Variants in DENND1B observed in about 807,000 individuals in gnomAD.
DENND1B encodes DENN domain-containing protein 1B.
A neutral mutation model predicts 90.1 loss-of-function variants in DENND1B; 59 were observed. The ratio of observed to expected loss-of-function variants is 0.65; its 90% CI spans 0.53 to 0.81. The LOEUF (loss-of-function observed/expected upper bound fraction) is 0.81. DENND1B is among the 40% of genes least tolerant of loss of function. The pLI, the probability that DENND1B is intolerant of heterozygous loss-of-function variation, is 0.00. For synonymous variants in DENND1B, 337 were observed against 324.6 expected (o/e 1.04, Z -0.41); for missense variants, 862 against 912.6 (o/e 0.94, Z 0.71).
intron 15 of DENND1B, among the ~76,000 whole-genome samples, chr1:197,567,467 G>T (rs959232914): frequency 6.6e-6 from 1 of 151,996 alleles, no homozygotes; most frequent in Non-Finnish European, 1.5e-5. Flanking sequence ...GAAAAGAAGA[G>T]AATATTTCCA....
intron 5 of DENND1B, among the ~76,000 whole-genome samples, chr1:197,661,809 A>T (rs1654432467): frequency 6.6e-6 from 1 of 151,996 alleles, no homozygotes; most frequent in Non-Finnish European, 1.5e-5. Context: ...TTCACTGGTT[A>T]TCTTCCCCTT....
intron 2 of DENND1B, among the ~76,000 whole-genome samples, chr1:197,716,637 T>C (rs1274099803): frequency 1.3e-5 from 2 of 151,866 alleles, no homozygotes. Flanking sequence ...AAATATTAAA[T>C]GAAAGTTTTT....
intron 15 of DENND1B, among the ~76,000 whole-genome samples, chr1:197,554,936 A>C (rs879843611): frequency 6.6e-6 from 1 of 151,968 alleles, no homozygotes; most frequent in Admixed American, 6.6e-5. Context: ...AGAAAAAATT[A>C]AGAAAGAATA....
rs1667847897 is a variant in DENND1B at position 197,508,831 on chromosome 1, C to G, written c.*1629G>C. The G allele has an allele frequency of 6.6e-6, 1 of 151,686 alleles. No individual in the cohort carries two copies. Among genetic ancestry groups the G allele is most frequent in the Non-Finnish European group, 1.5e-5 (1 of 67,798 alleles). The allele number at this position is 151,686 out of a possible 1,614,324, so 9.4% of individuals were successfully genotyped here. On this transcript the variant is annotated 3_prime_UTR_variant, in exon 23 of 23. Transcript: ENST00000620048. ...GATTGTGCCTGGTAATCTAGTCTATCATGAAGTAATTAGTACATGATTCCT... is the reference window on the plus strand; with the variant it reads ...GATTGTGCCTGGTAATCTAGTCTATGATGAAGTAATTAGTACATGATTCCT...
chr1:197,743,578 C>T (rs1663421736), intron 2 of DENND1B, among the ~76,000 whole-genome samples: 1 of 152,142 alleles, frequency 6.6e-6, no homozygotes, highest in South Asian at 2.1e-4. Flanking sequence ...TAAAATAAGG[C>T]AACAATTAAG....
intron 3 of DENND1B, among the ~76,000 whole-genome samples, chr1:197,700,656 A>G (rs1184344922): frequency 6.6e-6 from 1 of 152,222 alleles, no homozygotes; most frequent in Admixed American, 6.5e-5. Flanking sequence ...TGAACAGGCA[A>G]CCTACAGAAT....
intron 2 of DENND1B, chr1:197,746,793 C>A: frequency 6.3e-7 from 1 of 1,586,682 alleles, no homozygotes. Context: ...CTCTTCTTTG[C>A]TTCAAACCCC....
chr1:197,649,077 T>C (rs750425241), intron 7 of DENND1B, among the ~76,000 whole-genome samples: 1 of 152,170 alleles, frequency 6.6e-6, no homozygotes, highest in African/African-American at 2.4e-5. Flanking sequence ...TTTCACAAAG[T>C]TGAAGACTGA....
intron 3 of DENND1B, among the ~76,000 whole-genome samples, chr1:197,676,540 CTT>C (rs1656095634): frequency 6.6e-6 from 1 of 152,056 alleles, no homozygotes; most frequent in Non-Finnish European, 1.5e-5. Flanking sequence ...TTTCTACAGA[CTT>C]TTGCATTTAA....
At position 197,507,062 on chromosome 1, in the gene DENND1B, T is replaced by A. The variant is rs1343267705; in HGVS notation, c.*3398A>T. 1.3e-5 allele frequency: 2 copies of A among 151,204 alleles called. No homozygotes were observed. Among genetic ancestry groups the A allele is most frequent in the African/African-American group, 4.8e-5 (2 of 41,334 alleles). The allele number at this position is 151,204 out of a possible 1,614,324, so 9.4% of individuals were successfully genotyped here. A position where few individuals can be genotyped will look rare whatever the true frequency, so the allele number is the denominator to read the frequency against. On this transcript the variant is annotated 3_prime_UTR_variant, in exon 23 of 23. Transcript: ENST00000620048. ...GATACTATGGTTCATACTTAGAGCA[T>A]GCTTTAAATTAAGCAGCCAGTTTTT... is the stretch of plus-strand genomic sequence containing the variant.
At chr1:197,519,798 AG>A (rs1668645382) in intron 20 of DENND1B, among the ~76,000 whole-genome samples, 1 of 151,918 alleles carries the variant, frequency 6.6e-6, no homozygotes, top group Non-Finnish European at 1.5e-5. Flanking sequence ...GCAAATACTA[AG>A]GAATGAAAGG....
intron 2 of DENND1B, among the ~76,000 whole-genome samples, chr1:197,748,116 G>C (rs534423695): frequency 6.6e-6 from 1 of 151,840 alleles, no homozygotes; most frequent in Non-Finnish European, 1.5e-5. Flanking sequence ...AGATCTAATT[G>C]GTCCATCAAA....
At chr1:197,771,222 A>G (rs1656568144) in intron 2 of DENND1B, among the ~76,000 whole-genome samples, 2 of 152,180 alleles carry the variant, frequency 1.3e-5, no homozygotes, top group South Asian at 2.1e-4. Context: ...TTTACAAGCA[A>G]TATCAGATGA....
chr1:197,593,929 T>C (rs1675458876), intron 14 of DENND1B, among the ~76,000 whole-genome samples: 2 of 152,124 alleles, frequency 1.3e-5, no homozygotes, highest in Admixed American at 1.3e-4. Context: ...CATTTTTATG[T>C]TTTAACTGAT....
At chr1:197,595,470 A>T in intron 13 of DENND1B, 137 bp from the exon 14 acceptor site, 5 of 1,075,390 alleles carry the variant, frequency 4.6e-6, no homozygotes, top group Non-Finnish European at 5.3e-6. Context: ...TTATCTTTTT[A>T]ACTGCAGAGA....
chr1:197,610,483 C>G (rs1441238355), intron 12 of DENND1B, among the ~76,000 whole-genome samples: 1 of 149,668 alleles, frequency 6.7e-6, no homozygotes, highest in Non-Finnish European at 1.5e-5. Context: ...CAACAGGTAA[C>G]CAACAACTTT....
intron 6 of DENND1B, among the ~76,000 whole-genome samples, chr1:197,655,210 CA>C (rs1380420924): frequency 1.3e-5 from 2 of 152,046 alleles, no homozygotes; most frequent in African/African-American, 2.4e-5. Context: ...ATCCAGTGAA[CA>C]AAAAAGTCAC....
At chr1:197,550,676 G>C (rs10922250) in intron 16 of DENND1B, among the ~76,000 whole-genome samples, 1 of 149,852 alleles carries the variant, frequency 6.7e-6, no homozygotes, top group African/African-American at 2.5e-5. Flanking sequence ...GTGAGGGGGG[G>C]GGGGAGGGAT....
chr1:197,693,002 T>C (rs1016927123), intron 3 of DENND1B, among the ~76,000 whole-genome samples: 6 of 151,718 alleles, frequency 4.0e-5, no homozygotes, highest in African/African-American at 1.4e-4. Flanking sequence ...CAAAATATGA[T>C]CCTCTTACCA....
Sources: allele counts gnomAD v4.1 joint callset (sites outside exome capture counted in the v4.1 genomes callset), GRCh38; gene constraint gnomAD v4.1.1; transcripts MANE v1.5; gene names NCBI Gene and HGNC (gene_info 2026-07-23, HGNC 2026-07-21).